PHLDB2: variants seen among roughly 807,000 people sequenced by gnomAD.
The protein encoded by PHLDB2 is pleckstrin homology like domain family B member 2.
In PHLDB2, 71 loss-of-function variants were observed where a neutral mutation model predicts 123.6. That is an observed-to-expected ratio of 0.57 (90% CI 0.47 to 0.70). The LOEUF is 0.70. Ranked by LOEUF, PHLDB2 falls within the 30% of genes least tolerant of loss-of-function variation. The pLI, the probability that PHLDB2 is intolerant of heterozygous loss-of-function variation, is 0.00. For synonymous variants in PHLDB2, 547 were observed against 541.6 expected (o/e 1.01, Z -0.14); for missense variants, 1,446 against 1,519.5 (o/e 0.95, Z 0.80).
At chr3:111,733,421 T>G (rs949755401) in intron 1 of PHLDB2, among the ~76,000 whole-genome samples, 1 of 152,214 alleles carries the variant, frequency 6.6e-6, no homozygotes, top group Non-Finnish European at 1.5e-5. Flanking sequence ...TCTGAAGCTA[T>G]AGTCCAGATT....
intron 6 of PHLDB2, among the ~76,000 whole-genome samples, chr3:111,938,290 A>G (rs2069629725): frequency 1.3e-5 from 2 of 152,166 alleles, no homozygotes; most frequent in Admixed American, 6.5e-5. Flanking sequence ...GCACATGCGT[A>G]GGCTCCCCTC....
At chr3:111,955,767 C>T (rs959706655) in intron 12 of PHLDB2, among the ~76,000 whole-genome samples, 2 of 152,128 alleles carry the variant, frequency 1.3e-5, no homozygotes, top group African/African-American at 4.8e-5. Flanking sequence ...ATTTTTCCCA[C>T]CGTCGGAAGA....
At chr3:111,834,713 T>C (rs2063321539) in intron 1 of PHLDB2, among the ~76,000 whole-genome samples, 1 of 152,156 alleles carries the variant, frequency 6.6e-6, no homozygotes, top group South Asian at 2.1e-4. Context: ...TTGAGACCAA[T>C]TTTGGACTTG....
At position 111,884,327 on chromosome 3, in the gene PHLDB2, T is replaced by C. The variant is rs1248121074; in HGVS notation, c.250T>C (p.Ser84Pro). 1 of 1,614,132 alleles carries C rather than the reference T, an allele frequency of 6.2e-7. No individual in the cohort carries two copies. The highest frequency in any genetic ancestry group is 8.5e-7 in the Non-Finnish European group (1 of 1,180,018). ...PLGTSVRSSP[S>P]LAKIQGSKQF... Reference sequence around the variant, plus strand: ...GGGAACCAGTGTCAGAAGCAGCCCCTCCTTAGCCAAAATCCAGGGAAGCAA... The same window carrying C: ...GGGAACCAGTGTCAGAAGCAGCCCCCCCTTAGCCAAAATCCAGGGAAGCAA... Residue 84 changes from serine to proline, a missense_variant, in exon 2 of 18, where the codon TCC becomes CCC. This residue lies in a region of PHLDB2 where 832 missense variants were observed against 831.9 expected (regional missense o/e 1.00). Transcript: ENST00000431670.
chr3:111,736,761 T>G (rs2059515230), intron 1 of PHLDB2, among the ~76,000 whole-genome samples: 1 of 152,220 alleles, frequency 6.6e-6, no homozygotes, highest in Non-Finnish European at 1.5e-5. Context: ...GTTATTCTAA[T>G]TAGATTTTCA....
At chr3:111,964,121 G>A (rs1388628287) in intron 13 of PHLDB2, among the ~76,000 whole-genome samples, 1 of 152,078 alleles carries the variant, frequency 6.6e-6, no homozygotes, top group Non-Finnish European at 1.5e-5. Flanking sequence ...AATACTATTA[G>A]TAGTTTCTGA....
At chr3:111,743,854 T>G (rs2059642664) in intron 1 of PHLDB2, among the ~76,000 whole-genome samples, 1 of 152,244 alleles carries the variant, frequency 6.6e-6, no homozygotes, top group Non-Finnish European at 1.5e-5. Flanking sequence ...CTGATTCTTT[T>G]AGAAACTCAG....
intron 16 of PHLDB2, among the ~76,000 whole-genome samples, chr3:111,971,208 C>T (rs2072154305): frequency 6.6e-6 from 1 of 152,212 alleles, no homozygotes; most frequent in African/African-American, 2.4e-5. Context: ...GTGGTATTGT[C>T]TTCAGAAAAC....
At chr3:111,917,586 G>T (rs1004869731) in intron 3 of PHLDB2, 7 of 152,166 alleles carry the variant, frequency 4.6e-5, no homozygotes, top group African/African-American at 1.7e-4. Flanking sequence ...TATTGTCTGT[G>T]ATAAAAAGGT....
At chr3:111,882,416 T>C (rs1387756784) in intron 1 of PHLDB2, among the ~76,000 whole-genome samples, 1 of 152,068 alleles carries the variant, frequency 6.6e-6, no homozygotes, top group African/African-American at 2.4e-5. Flanking sequence ...AAAACCAGAA[T>C]TGATAGCAGT....
At chr3:111,926,863 G>A (rs756743625) in intron 5 of PHLDB2, among the ~76,000 whole-genome samples, 41 of 152,040 alleles carry the variant, frequency 2.7e-4, no homozygotes, top group Non-Finnish European at 3.5e-4. Flanking sequence ...TTGATTAGAG[G>A]GTACTGCTCC....
At chr3:111,940,400 C>A in intron 7 of PHLDB2, 135 bp from the exon 8 acceptor site, 1 of 509,730 alleles carries the variant, frequency 2.0e-6, no homozygotes, top group Non-Finnish European at 3.5e-6. Flanking sequence ...TGGTAATAAT[C>A]ACTGCCCACC....
intron 5 of PHLDB2, 76 bp from the exon 6 acceptor site, chr3:111,932,193 T>C: frequency 1.4e-6 from 2 of 1,454,890 alleles, no homozygotes; most frequent in Admixed American, 2.2e-5. Context: ...TATGTTATCC[T>C]TGAGAAATGT....
intron 1 of PHLDB2, among the ~76,000 whole-genome samples, chr3:111,792,176 T>C (rs1442822477): frequency 1.3e-5 from 2 of 152,252 alleles, no homozygotes; most frequent in African/African-American, 4.8e-5. Flanking sequence ...CCCTTCAGTA[T>C]TTCTTGTAAG....
intron 1 of PHLDB2, among the ~76,000 whole-genome samples, chr3:111,818,850 G>A (rs2062223874): frequency 6.6e-6 from 1 of 151,916 alleles, no homozygotes; most frequent in Non-Finnish European, 1.5e-5. Flanking sequence ...CTCTCCTCAA[G>A]GTTGGTTTCA....
intron 3 of PHLDB2, chr3:111,915,438 C>CT (rs878987545): frequency 2.4e-4 from 37 of 151,840 alleles, no homozygotes; most frequent in South Asian, 1.3e-3. Context: ...TTCTTTCTTT[C>CT]TTTTTTTTTG....
chr3:111,735,871 G>C (rs1208291590), intron 1 of PHLDB2, among the ~76,000 whole-genome samples: 7 of 152,146 alleles, frequency 4.6e-5, no homozygotes, highest in Admixed American at 4.6e-4. Flanking sequence ...GGTAAAATTT[G>C]AGTTGGGATC....
intron 2 of PHLDB2, among the ~76,000 whole-genome samples, chr3:111,903,228 G>A (rs1460518006): frequency 6.6e-6 from 1 of 152,192 alleles, no homozygotes; most frequent in East Asian, 1.9e-4. Context: ...TGGAGCCAGG[G>A]CAATGTGAAG....
chr3:111,924,859 C>G (rs2068730815), intron 5 of PHLDB2, among the ~76,000 whole-genome samples: 1 of 152,162 alleles, frequency 6.6e-6, no homozygotes, highest in Admixed American at 6.5e-5. Flanking sequence ...GACAGAGTCT[C>G]TCTCTGTTGC....
Sources: gnomAD v4.1 joint callset for allele counts (sites outside exome capture counted in the v4.1 genomes callset) on GRCh38, gnomAD v4.1.1 for gene constraint, gnomAD v4.1.1 regional missense constraint, MANE v1.5 for transcripts, NCBI Gene and HGNC (gene_info 2026-07-23, HGNC 2026-07-21) for gene names.